HIVEP1: variants seen among roughly 807,000 people sequenced by gnomAD.
The protein encoded by HIVEP1 is zinc finger protein 40.
A neutral mutation model predicts 180.0 loss-of-function variants in HIVEP1; 36 were observed. The ratio of observed to expected loss-of-function variants is 0.20; its 90% CI spans 0.15 to 0.26. HIVEP1 has a LOEUF of 0.26. Among genes scored for constraint, HIVEP1 ranks in the 10% least tolerant of loss-of-function variants. The pLI, the probability that HIVEP1 is intolerant of heterozygous loss-of-function variation, is 1.00. For synonymous variants in HIVEP1, 1,239 were observed against 1,239.0 expected (o/e 1.00, Z 0.00); for missense variants, 3,143 against 3,268.7 (o/e 0.96, Z 0.94).
At chr6:12,171,807 A>G in the HIVEP1 span, among the ~76,000 whole-genome samples, 7 of 152,204 alleles carry the variant, frequency 4.6e-5, no homozygotes, top group African/African-American at 1.7e-4. Context: ...AGACATAAAT[A>G]TGGAAGAACA....
chr6:12,171,525 G>A, the HIVEP1 span, among the ~76,000 whole-genome samples: 1 of 152,206 alleles, frequency 6.6e-6, no homozygotes, highest in Admixed American at 6.5e-5. Flanking sequence ...GCCCCTGTGA[G>A]AGGGGCTGGA....
At chr6:12,008,354 A>C (rs1767111478), upstream of HIVEP1, 2 of 152,218 alleles carry the variant, frequency 1.3e-5, no homozygotes, top group African/African-American at 4.8e-5. Flanking sequence ...AAGCCTCAGG[A>C]AACATACTCC....
At chr6:12,189,977 T>G in the HIVEP1 span, among the ~76,000 whole-genome samples, 1 of 152,210 alleles carries the variant, frequency 6.6e-6, no homozygotes, top group Non-Finnish European at 1.5e-5. Context: ...TGTTGTGTTG[T>G]GTTGTGTTGT....
chr6:12,183,558 T>G, the HIVEP1 span, among the ~76,000 whole-genome samples: 8 of 152,312 alleles, frequency 5.3e-5, no homozygotes, highest in African/African-American at 1.9e-4. Context: ...ATCAATTAAT[T>G]TAATCTTGTC....
At chr6:12,141,545 A>C (rs1297872105) in intron 7 of HIVEP1, among the ~76,000 whole-genome samples, 1 of 152,058 alleles carries the variant, frequency 6.6e-6, no homozygotes, top group Non-Finnish European at 1.5e-5. Flanking sequence ...AAATGGGCTA[A>C]ATGCCTCAAT....
intron 2 of HIVEP1, among the ~76,000 whole-genome samples, chr6:12,023,278 C>G (rs143357402): frequency 1.3e-5 from 2 of 152,156 alleles, no homozygotes; most frequent in East Asian, 1.9e-4. Context: ...TAAAATCTTA[C>G]GTTTACTTGT....
At chr6:12,026,997 G>A (rs543103358) in intron 2 of HIVEP1, among the ~76,000 whole-genome samples, 4 of 152,228 alleles carry the variant, frequency 2.6e-5, no homozygotes, top group African/African-American at 7.2e-5. Context: ...TCCTCCACCT[G>A]TTTTTGTAAA....
intron 2 of HIVEP1, among the ~76,000 whole-genome samples, chr6:12,073,788 C>G (rs1237466326): frequency 6.6e-6 from 1 of 152,162 alleles, no homozygotes; most frequent in African/African-American, 2.4e-5. Flanking sequence ...GGAACCTTTG[C>G]CATCCAGATT....
chr6:12,113,766 G>T (rs1775050090), intron 3 of HIVEP1, among the ~76,000 whole-genome samples: 1 of 152,094 alleles, frequency 6.6e-6, no homozygotes, highest in Non-Finnish European at 1.5e-5. Flanking sequence ...TTGTCATGCT[G>T]TTCCCTAACT....
chr6:12,043,728 C>T (rs7754856), intron 2 of HIVEP1, among the ~76,000 whole-genome samples: 51,016 of 151,970 alleles, frequency 0.34, 9,249 homozygotes, highest in East Asian at 0.68. Flanking sequence ...CTCGGTGGCA[C>T]TGGTGGCTTC....
the HIVEP1 span, among the ~76,000 whole-genome samples, chr6:12,185,445 A>G: frequency 3.0e-4 from 45 of 152,330 alleles, no homozygotes; most frequent in Non-Finnish European, 2.4e-4. Flanking sequence ...GAGAAGGGCT[A>G]TAAGAGGCTC....
chr6:12,064,756 A>G (rs1342965763), intron 2 of HIVEP1, among the ~76,000 whole-genome samples: 2 of 152,184 alleles, frequency 1.3e-5, no homozygotes, highest in Non-Finnish European at 2.9e-5. Flanking sequence ...GTACACACAC[A>G]TATTCCCATT....
Position 12,163,277 on chromosome 6 carries a change from A to T in HIVEP1, c.6979-6A>T, listed in dbSNP as rs1750576896. ...CATAAAAGGATTGCTCTCTCTTGTCATTTAGAGCCCATCATCTGTAAGACT... is the reference window on the plus strand; with the variant it reads ...CATAAAAGGATTGCTCTCTCTTGTCTTTTAGAGCCCATCATCTGTAAGACT... On this transcript the variant is annotated splice_region_variant and splice_polypyrimidine_tract_variant and intron_variant, in intron 8 of 8. Transcript: ENST00000379388. The T allele has an allele frequency of 6.2e-7, 1 of 1,609,680 alleles. No homozygotes were observed. The highest frequency in any genetic ancestry group is 1.3e-5 in the African/African-American group (1 of 74,812).
intron 2 of HIVEP1, chr6:12,037,756 A>G (rs1445214406): frequency 4.6e-6 from 2 of 438,896 alleles, no homozygotes; most frequent in Non-Finnish European, 4.1e-6. Flanking sequence ...GCTGGAGTGC[A>G]GTGGTGTAGT....
intron 3 of HIVEP1, among the ~76,000 whole-genome samples, chr6:12,114,819 G>GGC (rs1341751041): frequency 6.6e-5 from 10 of 152,190 alleles, no homozygotes; most frequent in Non-Finnish European, 4.4e-5. Context: ...TGAGATTGAT[G>GGC]CCTGAGTTCA....
chr6:12,191,253 A>G, the HIVEP1 span, among the ~76,000 whole-genome samples: 1 of 152,224 alleles, frequency 6.6e-6, no homozygotes, highest in Admixed American at 6.5e-5. Flanking sequence ...TACTTTGTCT[A>G]CATTGATTTG....
intron 7 of HIVEP1, among the ~76,000 whole-genome samples, chr6:12,143,331 A>G (rs1324818619): frequency 6.6e-6 from 1 of 152,260 alleles, no homozygotes; most frequent in Non-Finnish European, 1.5e-5. Context: ...AACAAAATTC[A>G]ATAGCCCTTC....
the HIVEP1 span, among the ~76,000 whole-genome samples, chr6:12,189,389 A>G: frequency 6.6e-6 from 1 of 152,154 alleles, no homozygotes; most frequent in East Asian, 1.9e-4. Flanking sequence ...ACAACATGCA[A>G]AATGAGTTAT....
the HIVEP1 span, among the ~76,000 whole-genome samples, chr6:12,179,501 T>G: frequency 6.6e-6 from 1 of 152,198 alleles, no homozygotes; most frequent in Non-Finnish European, 1.5e-5. Flanking sequence ...TTTTCATAGA[T>G]TGGCTCCATC....
Sources: allele counts gnomAD v4.1 joint callset (sites outside exome capture counted in the v4.1 genomes callset), GRCh38; gene constraint gnomAD v4.1.1; transcripts MANE v1.5; gene names NCBI Gene and HGNC (gene_info 2026-07-23, HGNC 2026-07-21).